The following TLE3 variants were observed in gnomAD, a reference collection of about 807,000 sequenced individuals.
TLE3 encodes the protein TLE family member 3, transcriptional corepressor, also known as transducin-like enhancer protein 3.
TLE3 carries 14 observed loss-of-function variants against 93.0 expected under a neutral mutation model. The ratio of observed to expected loss-of-function variants is 0.15; its 90% CI spans 0.10 to 0.24. The LOEUF is 0.24. TLE3 is among the 10% of genes least tolerant of loss of function. The probability of loss-of-function intolerance (pLI) is 1.00; values close to 1 mark genes in which losing one functional copy is unlikely to be tolerated. For missense variants in TLE3, 693 were observed against 1,046.6 expected, an observed-to-expected ratio of 0.66 and a Z score of 4.66; for synonymous variants, 451 against 425.0, an observed-to-expected ratio of 1.06 and a Z score of -0.75.
rs772793049 is a variant in TLE3, at chr15:70,059,398, G to T, written c.765+12C>A. Reference sequence around the variant, plus strand: ...AAACCAAGAGCCCCCTTGCGACCGGGCCTGCCCATACCTCATTGGAAACAT... The same window carrying T: ...AAACCAAGAGCCCCCTTGCGACCGGTCCTGCCCATACCTCATTGGAAACAT... On this transcript the variant is annotated intron_variant, in intron 10 of 19. Coordinates refer to ENST00000451782, the MANE Select transcript of TLE3 (RefSeq NM_001105192.3). 15 of 1,607,792 alleles carry T rather than the reference G, an allele frequency of 9.3e-6. No individual in the cohort carries two copies. The highest frequency in any genetic ancestry group is 1.3e-5 in the Non-Finnish European group (15 of 1,177,082).
rs2055259468 is a variant in TLE3, at chr15:70,048,613, T to G, written c.*1484A>C. The G allele has an allele frequency of 6.6e-6, 1 of 151,686 alleles. No individual in the cohort carries two copies. Among genetic ancestry groups the G allele is most frequent in the Non-Finnish European group, 1.5e-5 (1 of 67,942 alleles). 9.4% of individuals were successfully genotyped at this position (151,686 alleles called of 1,614,324 possible). A position where few individuals can be genotyped will look rare whatever the true frequency, so the allele number is the denominator to read the frequency against. ...ACCAGGACTCACAGCGGCCTTTAGC[T>G]TTTCTTTAAAAGGAGAAAAAAAAAA... is the stretch of plus-strand genomic sequence containing the variant. On this transcript the variant is annotated 3_prime_UTR_variant, in exon 20 of 20. Transcript: ENST00000451782.
chr15:70,061,517 G>C (rs1182866582), intron 8 of TLE3, among the ~76,000 whole-genome samples: 2 of 152,184 alleles, frequency 1.3e-5, no homozygotes, highest in Non-Finnish European at 2.9e-5. Flanking sequence ...TGACGGAGTA[G>C]TCCTAGGGGT....
At chr15:70,095,776 T>TGGG in intron 2 of TLE3, 135 bp from the exon 3 acceptor site, 1 of 1,070,616 alleles carries the variant, frequency 9.3e-7, no homozygotes, top group African/African-American at 1.6e-5. Flanking sequence ...TCCCACAGCC[T>TGGG]GGGGACGCGG....
intron 6 of TLE3, among the ~76,000 whole-genome samples, chr15:70,068,345 A>G (rs2056945729): frequency 6.6e-6 from 1 of 152,186 alleles, no homozygotes; most frequent in African/African-American, 2.4e-5. Context: ...TGTTCTGAAG[A>G]AATTTTCTTG....
intron 9 of TLE3, among the ~76,000 whole-genome samples, chr15:70,060,154 G>A (rs1363619378): frequency 6.6e-6 from 1 of 152,234 alleles, no homozygotes; most frequent in African/African-American, 2.4e-5. Context: ...GCATGCCTCA[G>A]GCCAACTGAG....
chr15:70,071,941 C>A (rs924522412), intron 6 of TLE3, among the ~76,000 whole-genome samples: 1 of 152,210 alleles, frequency 6.6e-6, no homozygotes, highest in Non-Finnish European at 1.5e-5. Context: ...AGATAAAGAA[C>A]GCCCTGACTA....
chr15:70,095,360 G>T, intron 3 of TLE3: 1 of 1,435,822 alleles, frequency 7.0e-7, no homozygotes, highest in Non-Finnish European at 9.1e-7. Flanking sequence ...TGGAATCGGG[G>T]TTTCTCTTTC....
At chr15:70,085,596 G>A (rs1266530384) in intron 4 of TLE3, among the ~76,000 whole-genome samples, 1 of 152,222 alleles carries the variant, frequency 6.6e-6, no homozygotes, top group African/African-American at 2.4e-5. Context: ...AAAAGGCTAA[G>A]AGAAAGGGGT....
Position 70,060,585 on chromosome 15 carries a change from T to A in TLE3, c.659A>T (p.Tyr220Phe). The A allele has an allele frequency of 6.2e-7, 1 of 1,614,040 alleles. No individual in the cohort carries two copies. Among genetic ancestry groups the A allele is most frequent in the Non-Finnish European group, 8.5e-7 (1 of 1,179,896 alleles). ...CTTCCGCTTCTTGGCTTCCATGCTG[T>A]AGTCCGCAGAGCCCCGGTGCTTCTC... ...ASEKHRGSADYSMEAKKRKAE... is the reference protein window; with the variant it reads ...ASEKHRGSADFSMEAKKRKAE... The change falls in exon 9 of 20, where the codon TAC becomes TTC. Residue 220 changes from tyrosine (Y) to phenylalanine (F), a missense_variant. Physicochemically the swap from Tyr to Phe is conservative, Grantham distance 22. Coordinates refer to ENST00000451782, the MANE Select transcript of TLE3 (RefSeq NM_001105192.3).
At chr15:70,051,205 C>T (rs1240531756) in intron 19 of TLE3, 186 bp downstream of exon 19, 2 of 540,704 alleles carry the variant, frequency 3.7e-6, no homozygotes, top group African/African-American at 3.9e-5. Context: ...CTGCTGAAGT[C>T]CCCAGGTCCT....
intron 1 of TLE3, 35 bp downstream of exon 1, chr15:70,096,740 T>TAA (rs1352203744): frequency 6.2e-7 from 1 of 1,611,880 alleles, no homozygotes; most frequent in Admixed American, 1.7e-5. Flanking sequence ...CCTGCCATGA[T>TAA]AGATGCTTAA....
chr15:70,060,062 C>G (rs1002733255), intron 9 of TLE3, among the ~76,000 whole-genome samples: 6 of 152,240 alleles, frequency 3.9e-5, no homozygotes, highest in Non-Finnish European at 8.8e-5. Flanking sequence ...AACACAACAG[C>G]CATGCTTCCA....
intron 13 of TLE3, 24 bp from the exon 14 acceptor site, chr15:70,056,398 C>G: frequency 6.2e-7 from 1 of 1,604,880 alleles, no homozygotes; most frequent in East Asian, 2.2e-5. Flanking sequence ...CAAGACAGCC[C>G]TCCATCAGCC....
Position 70,054,701 on chromosome 15 carries a change from G to C in TLE3, c.1579-16C>G. On this transcript the variant is annotated splice_polypyrimidine_tract_variant and intron_variant, in intron 15 of 19. Transcript: ENST00000451782. Reference sequence around the variant, plus strand: ...TGTCCCTGTTCTGGAGGGAGAAGGGGCAGGGCTGAGTGCTGCCTACTTCCC... The same window carrying C: ...TGTCCCTGTTCTGGAGGGAGAAGGGCCAGGGCTGAGTGCTGCCTACTTCCC... The C allele has an allele frequency of 6.4e-7, 1 of 1,564,282 alleles. No individual in the cohort carries two copies. The highest frequency in any genetic ancestry group is 8.7e-7 in the Non-Finnish European group (1 of 1,151,340).
intron 4 of TLE3, chr15:70,079,605 T>A (rs1056250043): frequency 2.8e-6 from 1 of 357,420 alleles, no homozygotes; most frequent in Non-Finnish European, 5.5e-6. Context: ...ACCCTGAGAA[T>A]GGGCTGCGTG....
At position 70,051,385 on chromosome 15, in the gene TLE3, C is replaced by T. The variant is rs762297473; in HGVS notation, c.2202+6G>A. ...CCCAGAGGAGGACTCAGACGGTGGG[C>T]AGTACCTGGAATATGCTGGCTCCAT... On this transcript the variant is annotated splice_donor_region_variant and intron_variant, in intron 19 of 19. Coordinates refer to ENST00000451782, the MANE Select transcript of TLE3 (RefSeq NM_001105192.3). The T allele has an allele frequency of 3.1e-6, 5 of 1,604,394 alleles. No individual in the cohort carries two copies. In the South Asian group the frequency reaches 5.6e-5, roughly 18 times the overall value.
intron 4 of TLE3, among the ~76,000 whole-genome samples, chr15:70,077,585 T>G (rs1457683309): frequency 6.6e-6 from 1 of 152,220 alleles, no homozygotes; most frequent in Non-Finnish European, 1.5e-5. Context: ...CGCCTCTGGT[T>G]TGTGGAAAGG....
chr15:70,084,934 T>C (rs2057973884), intron 4 of TLE3, among the ~76,000 whole-genome samples: 1 of 152,218 alleles, frequency 6.6e-6, no homozygotes, highest in African/African-American at 2.4e-5. Context: ...GCATCCTTCA[T>C]GGCACTCCCT....
chr15:70,058,852 A>C lies in TLE3; in HGVS notation c.766-37T>G. On this transcript the variant is annotated intron_variant, in intron 10 of 19. Transcript: ENST00000451782. This position sits in a 1 kb window ranked among gnomAD's most constrained non-coding sequence, Gnocchi z 4.1. ...AGTGATGCAGAGATGCACTGAAAGC[A>C]ACAGCCAGCCTCGAGGCTTCCCTGC... 6.6e-7 allele frequency: 1 copy of C among 1,518,086 alleles called. No individual in the cohort carries two copies. The highest frequency in any genetic ancestry group is 2.1e-5 in the Admixed American group (1 of 46,974). 94.0% of individuals were successfully genotyped at this position (1,518,086 alleles called of 1,614,324 possible).
Sources: allele counts gnomAD v4.1 joint callset (sites outside exome capture counted in the v4.1 genomes callset), GRCh38; gene constraint gnomAD v4.1.1; non-coding constraint Gnocchi (gnomAD v3.1); transcripts MANE v1.5; gene names NCBI Gene and HGNC (gene_info 2026-07-23, HGNC 2026-07-21).